The following SZT2 variants were observed in gnomAD, a reference collection of about 807,000 sequenced individuals.
SZT2 encodes the protein KICSTOR complex protein SZT2.
SZT2 carries 216 observed loss-of-function variants against 404.2 expected under a neutral mutation model. That is an observed-to-expected ratio of 0.53 (90% CI 0.48 to 0.60). The LOEUF (loss-of-function observed/expected upper bound fraction) is 0.60. SZT2 is among the 20% of genes least tolerant of loss of function. The pLI is 0.00. For synonymous variants in SZT2, 1,693 were observed against 1,749.9 expected (o/e 0.97, Z 0.81); for missense variants, 3,857 against 4,459.2 (o/e 0.86, Z 3.85).
intron 4 of SZT2, chr1:43,405,601 T>C (rs967968293): frequency 6.6e-6 from 1 of 152,226 alleles, no homozygotes; most frequent in Non-Finnish European, 1.5e-5. Flanking sequence ...AGATAAGATA[T>C]TGGGAACATG....
Position 43,453,610 on chromosome 1 carries a change from TC to T in SZT2, c.*3131del. 8 of 1,529,424 alleles carry T rather than the reference TC, an allele frequency of 5.2e-6. No individual in the cohort carries two copies. Among genetic ancestry groups the T allele is most frequent in the African/African-American group, 1.4e-5 (1 of 72,178 alleles). 94.7% of individuals were successfully genotyped at this position (1,529,424 alleles called of 1,614,324 possible). ...CGCGACGCACCCGGGGGCGTGTTGA[TC>T]AGTACAAGCCGCAGCCCCGCTTCTC... On this transcript the variant is annotated 3_prime_UTR_variant, in exon 72 of 72. Coordinates refer to ENST00000634258, the MANE Select transcript of SZT2 (RefSeq NM_001365999.1).
chr1:43,422,455 C>T, intron 12 of SZT2, 25 bp from the exon 13 acceptor site: 1 of 1,552,104 alleles, frequency 6.4e-7, no homozygotes, highest in Non-Finnish European at 8.6e-7. Flanking sequence ...GGAGGTCTAA[C>T]CTCAGTCCAC....
chr1:43,433,535 A>G (rs1000559083), intron 40 of SZT2, among the ~76,000 whole-genome samples: 2 of 152,356 alleles, frequency 1.3e-5, no homozygotes, highest in South Asian at 2.1e-4. Flanking sequence ...TAATCCCAGC[A>G]CTTTGGGAGG....
At position 43,429,751 on chromosome 1, in the gene SZT2, C is replaced by T; in HGVS notation, c.4215C>T (p.Val1405=). The T allele has an allele frequency of 6.2e-7, 1 of 1,614,212 alleles. No homozygotes were observed. The highest frequency in any genetic ancestry group is 8.5e-7 in the Non-Finnish European group (1 of 1,180,032). The part of the protein sequence containing the change: ...LSEPEFQSTR[V]PGIPDPGPEI... Reference sequence around the variant, plus strand: ...AGCCTGAGTTTCAGAGCACCCGTGTCCCTGGCATTCCAGACCCTGGGCCAG... The same window carrying T: ...AGCCTGAGTTTCAGAGCACCCGTGTTCCTGGCATTCCAGACCCTGGGCCAG... Residue 1405 remains valine, a synonymous_variant, in exon 29 of 72, where the codon GTC becomes GTT. Transcript: ENST00000634258.
Position 43,426,011 on chromosome 1 carries a change from C to G in SZT2, c.2930-27C>G. On this transcript the variant is annotated intron_variant, in intron 20 of 71. Transcript: ENST00000634258. The surrounding 1 kb of genome is among the most constrained non-coding windows in gnomAD (Gnocchi z 4.9). The stretch of plus-strand genomic sequence containing the variant: ...AGTGGGTAGGGTAATCTGCGTCTCA[C>G]TGTGTCCTGTCCTTCCTCCCTCGTA... 3 of 1,613,454 alleles carry G rather than the reference C, an allele frequency of 1.9e-6. No individual in the cohort carries two copies. The highest frequency in any genetic ancestry group is 2.5e-6 in the Non-Finnish European group (3 of 1,179,450).
intron 4 of SZT2, 170 bp downstream of exon 4, chr1:43,404,720 A>G: frequency 3.1e-6 from 2 of 642,940 alleles, no homozygotes; most frequent in Non-Finnish European, 5.1e-6. Context: ...GAGAAGAACC[A>G]GTTCCTCTGG....
At chr1:43,427,006 G>C in intron 23 of SZT2, 50 bp from the exon 24 acceptor site, 1 of 1,608,466 alleles carries the variant, frequency 6.2e-7, no homozygotes, top group South Asian at 1.1e-5. Flanking sequence ...GGGGAACAGG[G>C]GTTGGACATT....
Position 43,441,494 on chromosome 1 carries a change from C to T in SZT2, c.7512-10C>T, listed in dbSNP as rs765264043. 2 of 1,612,554 alleles carry T rather than the reference C, an allele frequency of 1.2e-6. No homozygotes were observed. The highest frequency in any genetic ancestry group is 1.7e-6 in the Non-Finnish European group (2 of 1,179,218). On this transcript the variant is annotated splice_polypyrimidine_tract_variant and intron_variant, in intron 53 of 71. Coordinates refer to ENST00000634258, the MANE Select transcript of SZT2 (RefSeq NM_001365999.1). This position sits in a 1 kb window ranked among gnomAD's most constrained non-coding sequence, Gnocchi z 4.8. ...TATGGACATGAGGCTCTTACTCCCA[C>T]TGTCTTCAGGCGCCGGACAACACAG...
chr1:43,450,585 C>G lies in SZT2; in HGVS notation c.*105C>G. The G allele has an allele frequency of 6.7e-7, 1 of 1,500,944 alleles. No individual in the cohort carries two copies. Among genetic ancestry groups the G allele is most frequent in the Non-Finnish European group, 9.1e-7 (1 of 1,101,710 alleles). 93.0% of individuals were successfully genotyped at this position (1,500,944 alleles called of 1,614,324 possible). On this transcript the variant is annotated 3_prime_UTR_variant, in exon 72 of 72. Transcript: ENST00000634258. The surrounding 1 kb of genome is among the most constrained non-coding windows in gnomAD (Gnocchi z 4.3). ...CAGCCCTTCTGGGCCCCAGGGCAAG[C>G]CAGACACTGAGTGACACCAAAGGCT...
Position 43,441,150 on chromosome 1 carries a change from G to A in SZT2, c.7345-64G>A. 1 of 1,568,386 alleles carries A rather than the reference G, an allele frequency of 6.4e-7. No individual in the cohort carries two copies. On this transcript the variant is annotated intron_variant, in intron 52 of 71. Transcript: ENST00000634258. This position sits in a 1 kb window ranked among gnomAD's most constrained non-coding sequence, Gnocchi z 4.8. Reference sequence around the variant, plus strand: ...CCTCCTAGCTCACTGCTGTTCCATAGTGCCCCCATCCCACACCTTTCCTCT... The same window carrying A: ...CCTCCTAGCTCACTGCTGTTCCATAATGCCCCCATCCCACACCTTTCCTCT...
At chr1:43,408,557 T>A (rs1650620934) in intron 4 of SZT2, among the ~76,000 whole-genome samples, 1 of 152,234 alleles carries the variant, frequency 6.6e-6, no homozygotes, top group Admixed American at 6.5e-5. Flanking sequence ...TGAGCTGCTG[T>A]GCTTAGCCTG....
Position 43,389,947 on chromosome 1 carries a change from G to A in SZT2, c.-22G>A, listed in dbSNP as rs546639047. On this transcript the variant is annotated 5_prime_UTR_variant, in exon 1 of 72. Coordinates refer to ENST00000634258, the MANE Select transcript of SZT2 (RefSeq NM_001365999.1). ...GAGTGGAACACCCTCACTGGCCCGGGCCGGCGCGGGAGGGCTGTGTGATGG... is the reference window on the plus strand; with the variant it reads ...GAGTGGAACACCCTCACTGGCCCGGACCGGCGCGGGAGGGCTGTGTGATGG... 1 of 1,464,264 alleles carries A rather than the reference G, an allele frequency of 6.8e-7. No individual in the cohort carries two copies. The highest frequency in any genetic ancestry group is 1.3e-5 in the South Asian group (1 of 74,646). 90.7% of individuals were successfully genotyped at this position (1,464,264 alleles called of 1,614,324 possible).
rs771956008 is a variant in SZT2 at position 43,452,958 on chromosome 1, C to A, written c.*2478C>A. On this transcript the variant is annotated 3_prime_UTR_variant, in exon 72 of 72. Transcript: ENST00000634258. ...ACCAGGCCTCCTCTTGCCACAGCAC[C>A]CTTGCAAGGAACACTCAACTTCCTG... 11 of 1,609,690 alleles carry A rather than the reference C, an allele frequency of 6.8e-6. No individual in the cohort carries two copies. In the South Asian group the frequency reaches 1.1e-4, roughly 16 times the overall value.
Position 43,428,221 on chromosome 1 carries a change from C to A in SZT2, c.3920-19C>A. ...CCATTCCAGAGCTCAAGCCTCATGG[C>A]CCCTTCCACTTCCATCAGGGCTATT... On this transcript the variant is annotated intron_variant, in intron 27 of 71. Coordinates refer to ENST00000634258, the MANE Select transcript of SZT2 (RefSeq NM_001365999.1). The A allele has an allele frequency of 6.2e-7, 1 of 1,614,062 alleles. No homozygotes were observed. The highest frequency in any genetic ancestry group is 8.5e-7 in the Non-Finnish European group (1 of 1,179,928).
At position 43,425,314 on chromosome 1, in the gene SZT2, AGGGAGG is replaced by A; in HGVS notation, c.2645+111_2645+116del. The A allele has an allele frequency of 6.6e-7, 1 of 1,521,700 alleles. No homozygotes were observed. The highest frequency in any genetic ancestry group is 9.0e-7 in the Non-Finnish European group (1 of 1,110,738). 94.3% of individuals were successfully genotyped at this position (1,521,700 alleles called of 1,614,324 possible). On this transcript the variant is annotated intron_variant, in intron 18 of 71. Coordinates refer to ENST00000634258, the MANE Select transcript of SZT2 (RefSeq NM_001365999.1). This position sits in a 1 kb window ranked among gnomAD's most constrained non-coding sequence, Gnocchi z 4.3. ...CTGAGATGATCTTGATCCCAAAGTC[AGGGAGG>A]GGGTGCGGTGTTTAGATGCTTCATC...
In SZT2 at chr1:43,426,225, C is replaced by T. The variant is rs1304876768; in HGVS notation, c.3043+74C>T. The T allele has an allele frequency of 1.7e-5, 26 of 1,537,674 alleles. No homozygotes were observed. The Admixed American group carries it at 5.0e-4, about 29-fold the overall frequency. On this transcript the variant is annotated intron_variant, in intron 21 of 71. Transcript: ENST00000634258. The surrounding 1 kb of genome is among the most constrained non-coding windows in gnomAD (Gnocchi z 4.9). Reference sequence around the variant, plus strand: ...CCTGGAAGTATTAGAAAATAACAAACAGATGGGTCAGCAAGTGAGCAGATG... The same window carrying T: ...CCTGGAAGTATTAGAAAATAACAAATAGATGGGTCAGCAAGTGAGCAGATG...
At chr1:43,394,976 A>G (rs770643449) in intron 1 of SZT2, among the ~76,000 whole-genome samples, 1 of 152,196 alleles carries the variant, frequency 6.6e-6, no homozygotes, top group Non-Finnish European at 1.5e-5. Flanking sequence ...GCAAATGTTC[A>G]GCAAATGTTC....
rs1656041779 is a variant in SZT2, at chr1:43,448,960, G to C, written c.10086+232G>C. 2 of 525,304 alleles carry C rather than the reference G, an allele frequency of 3.8e-6. No individual in the cohort carries two copies. The highest frequency in any genetic ancestry group is 3.8e-5 in the African/African-American group (2 of 52,210). The allele number at this position is 525,304 out of a possible 1,614,324, so 32.5% of individuals were successfully genotyped here. ...ACCAAGAATACAAGCCTTGGCTTGA[G>C]ATCCTGAGGGCCAGGCTCTGGAACT... On this transcript the variant is annotated intron_variant, in intron 70 of 71. Transcript: ENST00000634258. This position sits in a 1 kb window ranked among gnomAD's most constrained non-coding sequence, Gnocchi z 4.2.
Position 43,448,274 on chromosome 1 carries a change from A to G in SZT2, c.9759A>G (p.Ala3253=). 6.4e-7 allele frequency: 1 copy of G among 1,568,840 alleles called. No individual in the cohort carries two copies. Among genetic ancestry groups the G allele is most frequent in the Non-Finnish European group, 8.6e-7 (1 of 1,157,338 alleles). The change falls in exon 69 of 72, where the codon GCA becomes GCG. Residue 3253 remains alanine, a synonymous_variant. Coordinates refer to ENST00000634258, the MANE Select transcript of SZT2 (RefSeq NM_001365999.1). This position sits in a 1 kb window ranked among gnomAD's most constrained non-coding sequence, Gnocchi z 4.2. ...GPAPLFPPLA[A]EVGMARARLA... ...CTCCTCTGTTCCCACCACTGGCTGCAGAGGTGGGCATGGCACGAGCACGGC... is the reference window on the plus strand; with the variant it reads ...CTCCTCTGTTCCCACCACTGGCTGCGGAGGTGGGCATGGCACGAGCACGGC...
Sources: gnomAD v4.1 joint callset for allele counts (sites outside exome capture counted in the v4.1 genomes callset) on GRCh38, gnomAD v4.1.1 for gene constraint, Gnocchi (gnomAD v3.1) non-coding constraint, MANE v1.5 for transcripts, NCBI Gene and HGNC (gene_info 2026-07-23, HGNC 2026-07-21) for gene names.